RBPJ: variants seen among roughly 807,000 people sequenced by gnomAD.
RBPJ encodes recombining binding protein suppressor of hairless.
Under a neutral mutation model 67.8 loss-of-function variants are expected in RBPJ, and 9 were observed. That is an observed-to-expected ratio of 0.13 (90% CI 0.08 to 0.23). The LOEUF is 0.23. Ranked by LOEUF, RBPJ falls within the 10% of genes least tolerant of loss-of-function variation. RBPJ has a pLI of 1.00. For missense variants in RBPJ, 305 were observed against 595.6 expected (o/e 0.51, Z 5.08); for synonymous variants, 198 against 203.3 (o/e 0.97, Z 0.22).
chr4:26,204,098 C>G (rs1343438404), intron 1 of RBPJ, among the ~76,000 whole-genome samples: 4 of 152,114 alleles, frequency 2.6e-5, no homozygotes, highest in Non-Finnish European at 5.9e-5. Flanking sequence ...GTGCGTGCCA[C>G]CATGCCTGAC....
At chr4:26,236,310 T>G (rs1251043912) in intron 1 of RBPJ, among the ~76,000 whole-genome samples, 1 of 152,214 alleles carries the variant, frequency 6.6e-6, no homozygotes, top group Non-Finnish European at 1.5e-5. Context: ...ATAGTATCTG[T>G]AGTCATTATT....
chr4:26,320,853 C>G (rs1442155676), upstream of RBPJ: 1 of 1,569,828 alleles, frequency 6.4e-7, no homozygotes, highest in East Asian at 2.3e-5. Context: ...GGATCCCCTA[C>G]TCTGCGGGCG....
intron 1 of RBPJ, among the ~76,000 whole-genome samples, chr4:26,372,171 T>G (rs1369481883): frequency 6.6e-6 from 1 of 152,220 alleles, no homozygotes; most frequent in Non-Finnish European, 1.5e-5. Flanking sequence ...TGAGACTTCA[T>G]CTAATCTTAC....
chr4:26,191,024 C>T (rs908564250), intron 1 of RBPJ, among the ~76,000 whole-genome samples: 12 of 150,516 alleles, frequency 8.0e-5, no homozygotes, highest in African/African-American at 2.9e-4. Flanking sequence ...TAGCAGCACA[C>T]ACCTGTGGTT....
At chr4:26,359,326 T>C (rs1215886218) in intron 1 of RBPJ, among the ~76,000 whole-genome samples, 1 of 152,088 alleles carries the variant, frequency 6.6e-6, no homozygotes, top group East Asian at 1.9e-4. Flanking sequence ...TATGGGTGTG[T>C]CATAATTTAA....
the RBPJ span, among the ~76,000 whole-genome samples, chr4:26,152,536 G>A: frequency 6.6e-6 from 1 of 152,218 alleles, no homozygotes; most frequent in East Asian, 1.9e-4. Flanking sequence ...TGCTTACTAT[G>A]TGCATAAACC....
intron 1 of RBPJ, chr4:26,321,291 C>T (rs1429768099): frequency 1.3e-5 from 2 of 148,678 alleles, no homozygotes; most frequent in Non-Finnish European, 3.0e-5. Flanking sequence ...CCGGCGGGTG[C>T]GGGCGTGAGT....
At chr4:26,395,674 AC>A (rs1300132131) in intron 2 of RBPJ, among the ~76,000 whole-genome samples, 2 of 152,084 alleles carry the variant, frequency 1.3e-5, no homozygotes, top group South Asian at 2.1e-4. Context: ...TAGTGGAAGC[AC>A]CCCGAGCCAT....
intron 2 of RBPJ, among the ~76,000 whole-genome samples, chr4:26,402,399 G>GT (rs1288102089): frequency 6.6e-6 from 1 of 152,130 alleles, no homozygotes; most frequent in Admixed American, 6.5e-5. Context: ...ATCTTCAGTT[G>GT]TTTTATTTGT....
At chr4:26,322,250 G>C (rs1723166748) in intron 1 of RBPJ, 1 of 152,188 alleles carries the variant, frequency 6.6e-6, no homozygotes, top group Non-Finnish European at 1.5e-5. Flanking sequence ...TTTTCTGTTA[G>C]TGTTTGAGAA....
At chr4:26,226,786 C>T (rs939372973) in intron 1 of RBPJ, among the ~76,000 whole-genome samples, 5 of 152,076 alleles carry the variant, frequency 3.3e-5, no homozygotes, top group African/African-American at 1.2e-4. Flanking sequence ...GTGAGGGTTA[C>T]CATGGATACC....
At chr4:26,411,889 C>T (rs890555987) in intron 3 of RBPJ, among the ~76,000 whole-genome samples, 3 of 150,976 alleles carry the variant, frequency 2.0e-5, no homozygotes, top group African/African-American at 4.9e-5. Flanking sequence ...GGGCGGATCA[C>T]GAGGTCAGGA....
intron 1 of RBPJ, among the ~76,000 whole-genome samples, chr4:26,354,451 GTTTT>G (rs35328021): frequency 2.0e-3 from 236 of 117,472 alleles, no homozygotes; most frequent in African/African-American, 6.5e-3. Flanking sequence ...AAAGATTTCT[GTTTT>G]TTTTTTTTTT....
intron 1 of RBPJ, among the ~76,000 whole-genome samples, chr4:26,357,827 G>T (rs540106563): frequency 1.7e-4 from 26 of 152,118 alleles, no homozygotes; most frequent in African/African-American, 5.6e-4. Context: ...TGTAGTGTTT[G>T]TCTTTTTGCG....
At position 26,289,086 on chromosome 4, in the gene RBPJ, T is replaced by C. The variant is rs968471602; in HGVS notation, c.-166-73360T>C. Among the ~76,000 whole-genome samples, 5 of 150,750 alleles carry C rather than the reference T, an allele frequency of 3.3e-5. No individual in the cohort carries two copies. The East Asian group carries it at 7.8e-4, about 24-fold the overall frequency. ...AAAATTACTTGAAGCAGTTTACAAATAAAATGTTTAAGAAAGAAAGAGGAG... is the reference window on the plus strand; with the variant it reads ...AAAATTACTTGAAGCAGTTTACAAACAAAATGTTTAAGAAAGAAAGAGGAG... On this transcript the variant is annotated intron_variant, in intron 1 of 4. Transcript: ENST00000512351.
intron 1 of RBPJ, chr4:26,272,546 G>T: frequency 2.7e-6 from 1 of 367,462 alleles, no homozygotes; most frequent in Non-Finnish European, 5.3e-6. Context: ...ACTCCAGCCT[G>T]GGTGACAGAG....
At chr4:26,136,479 C>A in the RBPJ span, among the ~76,000 whole-genome samples, 1 of 152,144 alleles carries the variant, frequency 6.6e-6, no homozygotes, top group Non-Finnish European at 1.5e-5. Context: ...CCTTGAATGA[C>A]CCAGAAGCAA....
chr4:26,314,788 T>A (rs1018092597), upstream of RBPJ, among the ~76,000 whole-genome samples: 2 of 152,108 alleles, frequency 1.3e-5, no homozygotes, highest in African/African-American at 4.8e-5. Context: ...TTTATAGCAG[T>A]GCAAGAACAG....
Position 26,359,924 on chromosome 4 carries a change from CTCATAATT to C in RBPJ, c.21-26422_21-26415del, listed in dbSNP as rs148782254. 714 of 152,302 alleles carry C rather than the reference CTCATAATT, an allele frequency of 4.7e-3. 4 individuals carry two copies. The highest frequency in any genetic ancestry group is 0.016 in the African/African-American group (682 of 41,560). The allele number at this position is 152,302 out of a possible 1,614,324, so 9.4% of individuals were successfully genotyped here. A position where few individuals can be genotyped will look rare whatever the true frequency, so the allele number is the denominator to read the frequency against. On this transcript the variant is annotated intron_variant, in intron 1 of 10. Transcript: ENST00000355476. The stretch of plus-strand genomic sequence containing the variant: ...AGTAGTTTGCTAGCAGTTATTTGAT[CTCATAATT>C]TCATAAATATTGTGTGTTGTAAATT...
Sources: allele counts gnomAD v4.1 joint callset (sites outside exome capture counted in the v4.1 genomes callset), GRCh38; gene constraint gnomAD v4.1.1; transcripts MANE v1.5; gene names NCBI Gene and HGNC (gene_info 2026-07-23, HGNC 2026-07-21).